Variants in SLC44A5 observed in about 807,000 individuals in gnomAD.
SLC44A5 encodes choline transporter-like protein 5.
A neutral mutation model predicts 101.8 loss-of-function variants in SLC44A5; 57 were observed. That is an observed-to-expected ratio of 0.56 (90% CI 0.45 to 0.70). SLC44A5 has a LOEUF of 0.70. SLC44A5 is among the 30% of genes least tolerant of loss of function. The pLI is 0.00. For synonymous variants in SLC44A5, 281 were observed against 290.9 expected, an observed-to-expected ratio of 0.97 and a Z score of 0.35; for missense variants, 737 against 853.1, an observed-to-expected ratio of 0.86 and a Z score of 1.70.
chr1:75,220,752 G>T (rs1180773987), intron 14 of SLC44A5, among the ~76,000 whole-genome samples: 1 of 152,006 alleles, frequency 6.6e-6, no homozygotes, highest in Non-Finnish European at 1.5e-5. Flanking sequence ...TGGCCATTGA[G>T]AAATAAGATG....
chr1:75,535,633 G>A (rs1670954619), intron 2 of SLC44A5, among the ~76,000 whole-genome samples: 2 of 152,090 alleles, frequency 1.3e-5, no homozygotes, highest in Non-Finnish European at 2.9e-5. Context: ...GACAAACAGG[G>A]TAGCCAGGAC....
intron 1 of SLC44A5, among the ~76,000 whole-genome samples, chr1:75,544,722 C>T (rs542545600): frequency 6.6e-6 from 1 of 152,276 alleles, no homozygotes; most frequent in East Asian, 1.9e-4. Context: ...CTCTAATTGT[C>T]CCAATAATGT....
chr1:75,587,565 A>G (rs952008866), intron 1 of SLC44A5, among the ~76,000 whole-genome samples: 2 of 152,232 alleles, frequency 1.3e-5, no homozygotes, highest in Non-Finnish European at 2.9e-5. Context: ...ACCTGTGTCA[A>G]GAGATACCTT....
chr1:75,311,150 T>C (rs1655266534), intron 4 of SLC44A5, among the ~76,000 whole-genome samples: 1 of 151,900 alleles, frequency 6.6e-6, no homozygotes, highest in Non-Finnish European at 1.5e-5. Context: ...GGAGTCTCTC[T>C]CTGTCACCCA....
the SLC44A5 span, among the ~76,000 whole-genome samples, chr1:75,630,555 A>G: frequency 2.0e-5 from 3 of 152,166 alleles, no homozygotes; most frequent in Middle Eastern, 0.01. Context: ...TAACCTTAGG[A>G]GAGAGGATTC....
chr1:75,628,643 G>A, the SLC44A5 span, among the ~76,000 whole-genome samples: 1 of 152,092 alleles, frequency 6.6e-6, no homozygotes, highest in East Asian at 1.9e-4. Flanking sequence ...AGCAAAAAAA[G>A]TAAATAGCAT....
At chr1:75,688,946 G>A in the SLC44A5 span, among the ~76,000 whole-genome samples, 1 of 152,120 alleles carries the variant, frequency 6.6e-6, no homozygotes, top group Non-Finnish European at 1.5e-5. Context: ...ATCCTATGGT[G>A]CTAACCCTTA....
At position 75,435,374 on chromosome 1, in the gene SLC44A5, C is replaced by T. The variant is rs141450758; in HGVS notation, c.14-38753G>A. On this transcript the variant is annotated intron_variant, in intron 2 of 23. Coordinates refer to ENST00000370859, the MANE Select transcript of SLC44A5 (RefSeq NM_001130058.2). ...TTAAGAATCCTGTCAATAAATCTTACGTTTTAAATCATTAATCTTTTACAT... is the reference window on the plus strand; with the variant it reads ...TTAAGAATCCTGTCAATAAATCTTATGTTTTAAATCATTAATCTTTTACAT... Among the ~76,000 whole-genome samples the T allele has an allele frequency of 9.2e-3, 1,399 of 152,252 alleles. 18 individuals are homozygous for T. The highest frequency in any genetic ancestry group is 0.03 in the African/African-American group (1,258 of 41,554).
chr1:75,533,225 C>T (rs913521603), intron 2 of SLC44A5, among the ~76,000 whole-genome samples: 3 of 152,092 alleles, frequency 2.0e-5, no homozygotes, highest in African/African-American at 7.2e-5. Flanking sequence ...CAATTTAGCA[C>T]TTAATTATCT....
intron 3 of SLC44A5, among the ~76,000 whole-genome samples, chr1:75,372,479 T>A (rs1293228559): frequency 6.6e-6 from 1 of 151,926 alleles, no homozygotes; most frequent in Non-Finnish European, 1.5e-5. Context: ...CAAAACAAGA[T>A]TAGGAGGAAA....
At chr1:75,264,348 G>C (rs1470719000) in intron 6 of SLC44A5, among the ~76,000 whole-genome samples, 1 of 152,172 alleles carries the variant, frequency 6.6e-6, no homozygotes, top group East Asian at 1.9e-4. Flanking sequence ...TGGCAGGGCT[G>C]CCACACGTTT....
chr1:75,314,623 A>G (rs1023728163), intron 4 of SLC44A5, among the ~76,000 whole-genome samples: 1 of 152,124 alleles, frequency 6.6e-6, no homozygotes, highest in Non-Finnish European at 1.5e-5. Context: ...AAGAATTTCA[A>G]TTTACCTTAA....
intron 2 of SLC44A5, among the ~76,000 whole-genome samples, chr1:75,465,934 A>C (rs1666787782): frequency 6.6e-6 from 1 of 152,236 alleles, no homozygotes; most frequent in South Asian, 2.1e-4. Context: ...TTCACTGCTG[A>C]ATTCTACAAA....
At chr1:75,584,290 T>C (rs1673871808) in intron 1 of SLC44A5, among the ~76,000 whole-genome samples, 1 of 152,232 alleles carries the variant, frequency 6.6e-6, no homozygotes, top group Non-Finnish European at 1.5e-5. Context: ...AGCACTATCC[T>C]AACTGCATTC....
chr1:75,371,504 A>G (rs1660220061), intron 3 of SLC44A5, among the ~76,000 whole-genome samples: 1 of 152,210 alleles, frequency 6.6e-6, no homozygotes, highest in Non-Finnish European at 1.5e-5. Flanking sequence ...AGCTTTCTAC[A>G]GAGCATAATA....
At chr1:75,582,079 C>T (rs776896656) in intron 1 of SLC44A5, 19 of 708,310 alleles carry the variant, frequency 2.7e-5, no homozygotes, top group African/African-American at 8.7e-5. Context: ...TCAGGAGCCA[C>T]GGGTTACAGT....
chr1:75,577,585 C>T (rs1408558113), intron 1 of SLC44A5, among the ~76,000 whole-genome samples: 1 of 152,190 alleles, frequency 6.6e-6, no homozygotes, highest in Non-Finnish European at 1.5e-5. Flanking sequence ...TGAAAGACCA[C>T]CACATTCATA....
intron 6 of SLC44A5, among the ~76,000 whole-genome samples, chr1:75,257,248 C>G (rs1387516967): frequency 6.6e-6 from 1 of 152,080 alleles, no homozygotes; most frequent in Non-Finnish European, 1.5e-5. Flanking sequence ...GCCATTTTGT[C>G]AGAGGTCAGT....
At chr1:75,222,900 C>A (rs1417729157) in intron 13 of SLC44A5, among the ~76,000 whole-genome samples, 2 of 152,134 alleles carry the variant, frequency 1.3e-5, no homozygotes, top group African/African-American at 2.4e-5. Context: ...AGGGCAGGTT[C>A]TTGGCTGTCC....
Sources: allele counts gnomAD v4.1 joint callset (sites outside exome capture counted in the v4.1 genomes callset), GRCh38; gene constraint gnomAD v4.1.1; transcripts MANE v1.5; gene names NCBI Gene and HGNC (gene_info 2026-07-23, HGNC 2026-07-21).